Variants in RABGAP1L observed in about 807,000 individuals in gnomAD.
The protein encoded by RABGAP1L is RAB GTPase activating protein 1 like, also known as rab GTPase-activating protein 1-like.
Under a neutral mutation model 137.7 loss-of-function variants are expected in RABGAP1L, and 63 were observed. That is an observed-to-expected ratio of 0.46 (90% CI 0.37 to 0.56). The LOEUF (loss-of-function observed/expected upper bound fraction) is 0.56. Ranked by LOEUF, RABGAP1L falls within the 20% of genes least tolerant of loss-of-function variation. RABGAP1L has a pLI of 0.00. For synonymous variants in RABGAP1L, 431 were observed against 433.7 expected, an observed-to-expected ratio of 0.99 and a Z score of 0.08; for missense variants, 1,095 against 1,244.0, an observed-to-expected ratio of 0.88 and a Z score of 1.80.
chr1:174,803,818 A>G (rs1688983837), intron 18 of RABGAP1L, among the ~76,000 whole-genome samples: 1 of 152,192 alleles, frequency 6.6e-6, no homozygotes, highest in Non-Finnish European at 1.5e-5. Flanking sequence ...CACGCCTGTA[A>G]TCCCAGCATG....
At chr1:174,350,117 A>G (rs1328301459) in intron 11 of RABGAP1L, among the ~76,000 whole-genome samples, 5 of 104,498 alleles carry the variant, frequency 4.8e-5, no homozygotes, top group African/African-American at 1.5e-4. Flanking sequence ...CCCGGACGGC[A>G]CGGCTGGCCG....
chr1:174,305,091 G>T lies in RABGAP1L; in HGVS notation c.1429G>T (p.Gly477Cys), dbSNP rs767788729. ...ACCAGTCACTCCTACTAGTGGAGGG[G>T]GTCCAATGTCACCCCAGGATGATGA... ...EEPVTPTSGG[G>C]PMSPQDDEAE... Residue 477 changes from glycine (G) to cysteine (C), a missense_variant, in exon 11 of 26, where the codon GGT (glycine) becomes TGT (cysteine). This residue lies in a region of RABGAP1L where 315 missense variants were observed against 324.8 expected (regional missense o/e 0.97). Coordinates refer to ENST00000681986, the MANE Select transcript of RABGAP1L (RefSeq NM_001366446.1). 1.3e-6 allele frequency: 2 copies of T among 1,548,868 alleles called. No homozygotes were observed. Among genetic ancestry groups the T allele is most frequent in the Non-Finnish European group, 1.7e-6 (2 of 1,155,852 alleles).
At chr1:174,552,435 GTTC>G (rs1170340612) in intron 13 of RABGAP1L, among the ~76,000 whole-genome samples, 1 of 152,044 alleles carries the variant, frequency 6.6e-6, no homozygotes, top group Non-Finnish European at 1.5e-5. Context: ...TTGGTTTTCT[GTTC>G]TTGTGTTAGT....
chr1:174,784,006 T>C (rs1687246593), intron 18 of RABGAP1L, among the ~76,000 whole-genome samples: 1 of 138,786 alleles, frequency 7.2e-6, no homozygotes, highest in Non-Finnish European at 1.5e-5. Context: ...TTTCTTCTTC[T>C]TCTTCTTTTT....
chr1:174,276,040 T>A, intron 9 of RABGAP1L, 105 bp downstream of exon 9: 2 of 734,478 alleles, frequency 2.7e-6, no homozygotes, highest in Non-Finnish European at 4.3e-6. Context: ...AGTGGACTTA[T>A]TCTTTCATTG....
chr1:174,521,668 TA>T (rs1462544806), intron 13 of RABGAP1L, among the ~76,000 whole-genome samples: 1 of 152,216 alleles, frequency 6.6e-6, no homozygotes, highest in Non-Finnish European at 1.5e-5. Flanking sequence ...CTAACTAATT[TA>T]GACCTGAGGA....
chr1:174,592,861 G>A lies in RABGAP1L; in HGVS notation c.1711-44514G>A, dbSNP rs1458249429. 5.4e-5 allele frequency among the ~76,000 whole-genome samples: 4 copies of A among 73,582 alleles called. No individual in the cohort carries two copies. In the East Asian group the frequency reaches 1.1e-3, roughly 19 times the overall value. The allele number at this position is 73,582 out of a possible 152,430, so 48.3% of individuals were successfully genotyped here. On this transcript the variant is annotated intron_variant, in intron 13 of 25. Coordinates refer to ENST00000681986, the MANE Select transcript of RABGAP1L (RefSeq NM_001366446.1). ...CGGCTTTGGTATCAGAATGATGCTG[G>A]CCTCATAAAATGAGTTAGGGAGGAT...
At chr1:174,669,028 G>A (rs1394334722) in intron 14 of RABGAP1L, among the ~76,000 whole-genome samples, 4 of 151,956 alleles carry the variant, frequency 2.6e-5, no homozygotes, top group Admixed American at 1.3e-4. Context: ...TTATTAGTTC[G>A]TTTTCACACT....
At chr1:174,922,756 G>C (rs761050506) in intron 19 of RABGAP1L, among the ~76,000 whole-genome samples, 1 of 152,182 alleles carries the variant, frequency 6.6e-6, no homozygotes, top group Non-Finnish European at 1.5e-5. Context: ...TCAATGTAGT[G>C]GTTAAAAGTG....
chr1:174,931,990 G>GTTT lies in RABGAP1L; in HGVS notation c.2341-25445_2341-25443dup, dbSNP rs532860564. On this transcript the variant is annotated intron_variant, in intron 19 of 25. Coordinates refer to ENST00000681986, the MANE Select transcript of RABGAP1L (RefSeq NM_001366446.1). ...AAAATTTCTTTAGACTGCTTTTTTG[G>GTTT]TTTTTTTTTTTTTTTTTTTTTTTTG... Among the ~76,000 whole-genome samples the GTTT allele has an allele frequency of 5.5e-3, 381 of 69,630 alleles. 5 individuals carry two copies. The highest frequency in any genetic ancestry group is 0.013 in the African/African-American group (252 of 18,908). 45.7% of individuals were successfully genotyped at this position (69,630 alleles called of 152,430 possible).
chr1:174,403,091 T>A (rs1265618514), intron 13 of RABGAP1L, among the ~76,000 whole-genome samples: 1 of 152,150 alleles, frequency 6.6e-6, no homozygotes, highest in Non-Finnish European at 1.5e-5. Flanking sequence ...AAGATGCTTT[T>A]AATTGATAAG....
intron 13 of RABGAP1L, among the ~76,000 whole-genome samples, chr1:174,492,878 A>G (rs564114476): frequency 7.9e-5 from 12 of 151,786 alleles, no homozygotes; most frequent in African/African-American, 2.9e-4. Context: ...CCCCTCTTCC[A>G]TATGTATAAG....
intron 19 of RABGAP1L, among the ~76,000 whole-genome samples, chr1:174,918,005 G>A (rs1470426622): frequency 6.6e-6 from 1 of 151,640 alleles, no homozygotes; most frequent in African/African-American, 2.4e-5. Context: ...AGGGATACAG[G>A]GGTAAGTTGT....
intron 13 of RABGAP1L, among the ~76,000 whole-genome samples, chr1:174,519,056 A>G (rs1278349792): frequency 6.6e-6 from 1 of 151,784 alleles, no homozygotes; most frequent in East Asian, 1.9e-4. Flanking sequence ...TGCATTAGGC[A>G]GGGTTCCCTA....
chr1:174,385,869 G>T (rs1686722603), intron 12 of RABGAP1L, among the ~76,000 whole-genome samples: 1 of 152,224 alleles, frequency 6.6e-6, no homozygotes, highest in South Asian at 2.1e-4. Context: ...TTGGAAATCA[G>T]CAGATATAGA....
At chr1:174,657,189 A>G (rs892508213) in intron 14 of RABGAP1L, among the ~76,000 whole-genome samples, 1 of 152,202 alleles carries the variant, frequency 6.6e-6, no homozygotes, top group Non-Finnish European at 1.5e-5. Context: ...GATACATACA[A>G]TGTAAAATAC....
intron 13 of RABGAP1L, among the ~76,000 whole-genome samples, chr1:174,464,986 G>A (rs1247253898): frequency 1.3e-5 from 2 of 151,702 alleles, no homozygotes; most frequent in Non-Finnish European, 2.9e-5. Flanking sequence ...CCTAATTAAT[G>A]AGCCCCAAAA....
intron 12 of RABGAP1L, among the ~76,000 whole-genome samples, chr1:174,379,037 A>G (rs994644376): frequency 3.6e-5 from 5 of 139,298 alleles, no homozygotes; most frequent in African/African-American, 1.4e-4. Context: ...CATTTATTAA[A>G]TAGGGAACCC....
chr1:174,578,310 GAGTA>G (rs1668514685), intron 13 of RABGAP1L, among the ~76,000 whole-genome samples: 1 of 152,060 alleles, frequency 6.6e-6, no homozygotes, highest in African/African-American at 2.4e-5. Context: ...TCAGCTTCCT[GAGTA>G]GCTGGGACAA....
Sources: allele counts gnomAD v4.1 joint callset (sites outside exome capture counted in the v4.1 genomes callset), GRCh38; gene constraint gnomAD v4.1.1; regional missense constraint gnomAD v4.1.1; transcripts MANE v1.5; gene names NCBI Gene and HGNC (gene_info 2026-07-23, HGNC 2026-07-21).